Variants in CSMD3 observed in about 807,000 individuals in gnomAD.
The protein encoded by CSMD3 is CUB and sushi domain-containing protein 3.
Under a neutral mutation model 435.2 loss-of-function variants are expected in CSMD3, and 177 were observed. That is an observed-to-expected ratio of 0.41 (90% confidence interval 0.36 to 0.46). The LOEUF is 0.46. Ranked by LOEUF, CSMD3 falls within the 20% of genes least tolerant of loss-of-function variation. The pLI is 0.34. For synonymous variants in CSMD3, 1,656 were observed against 1,520.5 expected, an observed-to-expected ratio of 1.09 and a Z score of -2.07; for missense variants, 4,265 against 4,504.6, an observed-to-expected ratio of 0.95 and a Z score of 1.52.
chr8:113,389,586 C>T (rs1298402731), intron 1 of CSMD3, among the ~76,000 whole-genome samples: 1 of 151,626 alleles, frequency 6.6e-6, no homozygotes, highest in Non-Finnish European at 1.5e-5. Flanking sequence ...TTACTCTGCC[C>T]TTGAAGAAAC....
intron 13 of CSMD3, among the ~76,000 whole-genome samples, chr8:112,797,653 G>T (rs2132318273): frequency 6.6e-6 from 1 of 151,878 alleles, no homozygotes; most frequent in South Asian, 2.1e-4. Context: ...TTTAGCAGGT[G>T]TTCCATTTAG....
intron 1 of CSMD3, among the ~76,000 whole-genome samples, chr8:113,356,556 A>G (rs2094229738): frequency 6.6e-6 from 1 of 152,190 alleles, no homozygotes. Flanking sequence ...AGCACTCAAT[A>G]AAAATGTATT....
chr8:112,322,628 A>C (rs575347736), intron 45 of CSMD3, among the ~76,000 whole-genome samples: 1 of 152,152 alleles, frequency 6.6e-6, no homozygotes, highest in South Asian at 2.1e-4. Context: ...TTTTGGCTAC[A>C]ATTCTGACTC....
chr8:113,148,320 T>C (rs1225360158), intron 4 of CSMD3, among the ~76,000 whole-genome samples: 5 of 151,726 alleles, frequency 3.3e-5, no homozygotes, highest in African/African-American at 7.3e-5. Context: ...GTCATCTTTA[T>C]CTATTTACTC....
intron 6 of CSMD3, among the ~76,000 whole-genome samples, chr8:112,995,781 T>A (rs1168759040): frequency 1.3e-5 from 2 of 151,508 alleles, no homozygotes; most frequent in Non-Finnish European, 3.0e-5. Context: ...AAATGCAATA[T>A]AATTGTTCGT....
At chr8:112,666,129 A>T in intron 17 of CSMD3, 148 bp downstream of exon 17, 1 of 698,328 alleles carries the variant, frequency 1.4e-6, no homozygotes, top group Non-Finnish European at 2.5e-6. Context: ...CTGAAAGGTT[A>T]AAAGGGGGCA....
intron 3 of CSMD3, among the ~76,000 whole-genome samples, chr8:113,232,927 C>T (rs1326623315): frequency 6.6e-6 from 1 of 151,810 alleles, no homozygotes; most frequent in Non-Finnish European, 1.5e-5. Flanking sequence ...GTAGGTGGAA[C>T]ATTTCATTTT....
chr8:112,436,619 T>C (rs752813809), intron 32 of CSMD3, among the ~76,000 whole-genome samples: 1 of 148,418 alleles, frequency 6.7e-6, no homozygotes, highest in African/African-American at 2.4e-5. Context: ...CATGTATACA[T>C]ATTTGTGTAT....
chr8:112,816,603 A>G (rs987295452), intron 12 of CSMD3, among the ~76,000 whole-genome samples: 4 of 152,194 alleles, frequency 2.6e-5, no homozygotes, highest in Non-Finnish European at 5.9e-5. Context: ...CAAGGCAAAT[A>G]TCATGTTTAC....
intron 32 of CSMD3, among the ~76,000 whole-genome samples, chr8:112,410,495 A>AATATATAT (rs4029455): frequency 0.039 from 4,765 of 122,488 alleles, 135 homozygotes; most frequent in Admixed American, 0.072. Flanking sequence ...AAATACTCCA[A>AATATATAT]ATATATATAT....
chr8:112,688,413 A>G (rs2076059399), intron 14 of CSMD3, among the ~76,000 whole-genome samples: 1 of 152,174 alleles, frequency 6.6e-6, no homozygotes, highest in Admixed American at 6.6e-5. Flanking sequence ...AAATTCTTGT[A>G]TCTACTCCTG....
chr8:112,537,381 A>C (rs1826218689), intron 27 of CSMD3, among the ~76,000 whole-genome samples: 1 of 146,134 alleles, frequency 6.8e-6, no homozygotes, highest in African/African-American at 2.5e-5. Flanking sequence ...GAAGGAAAGA[A>C]ATTATAAAGA....
intron 45 of CSMD3, among the ~76,000 whole-genome samples, chr8:112,330,477 A>C (rs1823935099): frequency 6.6e-6 from 1 of 152,148 alleles, no homozygotes; most frequent in Non-Finnish European, 1.5e-5. Context: ...TCGGTATTAA[A>C]TTAGTAAATA....
At chr8:112,290,109 A>T (rs1350395041) in intron 56 of CSMD3, among the ~76,000 whole-genome samples, 1 of 152,022 alleles carries the variant, frequency 6.6e-6, no homozygotes, top group Non-Finnish European at 1.5e-5. Context: ...AAAAGACAAT[A>T]CTCAGTGGCT....
At chr8:113,391,403 A>G (rs924949735) in intron 1 of CSMD3, among the ~76,000 whole-genome samples, 1 of 152,018 alleles carries the variant, frequency 6.6e-6, no homozygotes, top group African/African-American at 2.4e-5. Context: ...AACATGGGAT[A>G]ATTAGTTTGT....
At chr8:112,374,173 T>C (rs1490813024) in intron 38 of CSMD3, among the ~76,000 whole-genome samples, 1 of 151,306 alleles carries the variant, frequency 6.6e-6, no homozygotes, top group Non-Finnish European at 1.5e-5. Context: ...CCTTACTGAT[T>C]AGACAGTAGA....
intron 3 of CSMD3, among the ~76,000 whole-genome samples, chr8:113,209,887 A>G (rs1280288376): frequency 6.6e-6 from 1 of 152,008 alleles, no homozygotes; most frequent in African/African-American, 2.4e-5. Flanking sequence ...TTTTGTTTCT[A>G]TACTTGCTTT....
At chr8:112,789,003 A>G (rs1366659504) in intron 13 of CSMD3, among the ~76,000 whole-genome samples, 1 of 152,142 alleles carries the variant, frequency 6.6e-6, no homozygotes, top group East Asian at 1.9e-4. Context: ...AAAAATTCCC[A>G]CACAAAATAT....
intron 9 of CSMD3, among the ~76,000 whole-genome samples, chr8:112,923,765 A>T (rs570511619): frequency 5.0e-4 from 76 of 152,244 alleles, no homozygotes; most frequent in African/African-American, 1.8e-3. Context: ...TTCCAAAAGT[A>T]TTGTAAGTTT....
Sources: allele counts gnomAD v4.1 joint callset (sites outside exome capture counted in the v4.1 genomes callset), GRCh38; gene constraint gnomAD v4.1.1; transcripts MANE v1.5; gene names NCBI Gene and HGNC (gene_info 2026-07-23, HGNC 2026-07-21).